RIPOR1: variants seen among roughly 807,000 people sequenced by gnomAD.
RIPOR1 encodes the protein RHO family interacting cell polarization regulator 1, also known as rho family-interacting cell polarization regulator 1.
In RIPOR1, 58 loss-of-function variants were observed where a neutral mutation model predicts 116.5. The ratio of observed to expected loss-of-function variants is 0.50; its 90% confidence interval spans 0.40 to 0.62. The LOEUF (loss-of-function observed/expected upper bound fraction) is 0.62. RIPOR1 is among the 20% of genes least tolerant of loss of function. The probability of loss-of-function intolerance (pLI) is 0.00; values close to 1 mark genes in which losing one functional copy is unlikely to be tolerated. For synonymous variants in RIPOR1, 605 were observed against 650.0 expected, an observed-to-expected ratio of 0.93 and a Z score of 1.05; for missense variants, 1,372 against 1,586.2, an observed-to-expected ratio of 0.86 and a Z score of 2.29.
intron 1 of RIPOR1, among the ~76,000 whole-genome samples, chr16:67,521,332 G>A (rs933434447): frequency 6.6e-6 from 1 of 152,172 alleles, no homozygotes; most frequent in African/African-American, 2.4e-5. Context: ...GTCGTCATCC[G>A]ATGGGACGGG....
chr16:67,539,585 C>A, intron 4 of RIPOR1, 143 bp from the exon 5 acceptor site: 1 of 994,822 alleles, frequency 1.0e-6, no homozygotes, highest in South Asian at 1.4e-5. Flanking sequence ...GCTAGACCAG[C>A]AGGAAGGGGC....
In RIPOR1 at chr16:67,541,787, G is replaced by GTCAGCC. The variant is rs1455613758; in HGVS notation, c.1080+8_1080+9insGCCTCA. The GTCAGCC allele has an allele frequency of 2.5e-6, 4 of 1,614,072 alleles. No individual in the cohort carries two copies. The highest frequency in any genetic ancestry group is 3.4e-6 in the Non-Finnish European group (4 of 1,179,984). The stretch of plus-strand genomic sequence containing the variant: ...CTTCGGGAACAGGCTTTCTATGTGA[G>GTCAGCC]TCATAGCCCAGGTCCAGGCCTCACC... On this transcript the variant is annotated splice_donor_region_variant and intron_variant, in intron 12 of 21. Coordinates refer to ENST00000042381, the MANE Select transcript of RIPOR1 (RefSeq NM_024519.4). This position sits in a 1 kb window ranked among gnomAD's most constrained non-coding sequence, Gnocchi z 4.6.
At chr16:67,539,656 C>A in intron 4 of RIPOR1, 72 bp from the exon 5 acceptor site, 1 of 1,565,280 alleles carries the variant, frequency 6.4e-7, no homozygotes, top group Non-Finnish European at 8.8e-7. Flanking sequence ...GGAGCTGTGA[C>A]GAGTCTGAGT....
Position 67,544,813 on chromosome 16 carries a change from C to T in RIPOR1, c.2852C>T (p.Ala951Val). 6.3e-7 allele frequency: 1 copy of T among 1,594,390 alleles called. No individual in the cohort carries two copies. ...TTCAGCAGGCGGTGGGAGATCCCGG[C>T]CAGCTCTGCCCAGGAAGGTAAAGGC... ...CEFSRRWEIP[A>V]SSAQEVVQFS... The change falls in exon 16 of 22, where the codon GCC becomes GTC. Residue 951 changes from alanine (A) to valine (V), a missense_variant. By Grantham distance (64) the Ala-to-Val change is moderately conservative. Around this residue, in one of 3 missense-constraint regions of RIPOR1, gnomAD observed 1,005 missense variants for 1,144.7 expected, o/e 0.88. Transcript: ENST00000042381. The surrounding 1 kb of genome is among the most constrained non-coding windows in gnomAD (Gnocchi z 5.1).
chr16:67,545,321 C>G lies in RIPOR1; in HGVS notation c.3032-55C>G. 2.5e-6 allele frequency: 4 copies of G among 1,585,896 alleles called. No homozygotes were observed. The highest frequency in any genetic ancestry group is 3.4e-6 in the Non-Finnish European group (4 of 1,164,028). On this transcript the variant is annotated intron_variant, in intron 17 of 21. Transcript: ENST00000042381. This position sits in a 1 kb window ranked among gnomAD's most constrained non-coding sequence, Gnocchi z 4.8. ...GAGCCTGGGATAGGAGCATCTCTCC[C>G]CTCTAAAAGCTGTGTTCACCCAAAC...
rs1439584825 is a variant in RIPOR1, at chr16:67,537,835, G to T, written c.-23-589G>T. ...CGCGCCCAGCTCTGGGAATCCCCCTGCCTGGAGGGCGCCGGGACGCCCGGG... is the reference window on the plus strand; with the variant it reads ...CGCGCCCAGCTCTGGGAATCCCCCTTCCTGGAGGGCGCCGGGACGCCCGGG... On this transcript the variant is annotated intron_variant, in intron 1 of 21. Coordinates refer to ENST00000042381, the MANE Select transcript of RIPOR1 (RefSeq NM_024519.4). This position sits in a 1 kb window ranked among gnomAD's most constrained non-coding sequence, Gnocchi z 4.6. 5.9e-5 allele frequency among the ~76,000 whole-genome samples: 9 copies of T among 152,112 alleles called. No homozygotes were observed. In the East Asian group the frequency reaches 1.8e-3, roughly 30 times the overall value.
chr16:67,520,433 A>AAGAGAAGAGAAG (rs1567557106), intron 1 of RIPOR1, among the ~76,000 whole-genome samples: 3 of 148,778 alleles, frequency 2.0e-5, no homozygotes, highest in African/African-American at 7.7e-5. Context: ...GAGAGAAGAG[A>AAGAGAAGAGAAG]AGATAAGAGA....
In RIPOR1 at chr16:67,530,071, C is replaced by T; in HGVS notation, c.-24+1157C>T. The T allele has an allele frequency of 1.7e-6, 1 of 601,916 alleles. No individual in the cohort carries two copies. 37.3% of individuals were successfully genotyped at this position (601,916 alleles called of 1,614,324 possible). On this transcript the variant is annotated intron_variant, in intron 1 of 21. Coordinates refer to ENST00000042381, the MANE Select transcript of RIPOR1 (RefSeq NM_024519.4). The surrounding 1 kb of genome is among the most constrained non-coding windows in gnomAD (Gnocchi z 4.5). The stretch of plus-strand genomic sequence containing the variant: ...TCCGGCTTGGGTCCTGTGACTGCGG[C>T]GGGAGAGAGGAGCAAGGTGAGCCGC...
chr16:67,539,098 G>C lies in RIPOR1; in HGVS notation c.336+30G>C, dbSNP rs544351924. The C allele has an allele frequency of 1.9e-5, 30 of 1,595,730 alleles. No individual in the cohort carries two copies. In the African/African-American group the frequency reaches 3.1e-4, roughly 16 times the overall value. Reference sequence around the variant, plus strand: ...GTGGCGGGAGGTACGGATGCCCTTTGCCTCTTTGGTGTGGAGGGCTGGGCA... The same window carrying C: ...GTGGCGGGAGGTACGGATGCCCTTTCCCTCTTTGGTGTGGAGGGCTGGGCA... On this transcript the variant is annotated intron_variant, in intron 4 of 21. Coordinates refer to ENST00000042381, the MANE Select transcript of RIPOR1 (RefSeq NM_024519.4).
Position 67,537,313 on chromosome 16 carries a change from T to A in RIPOR1, c.-23-1111T>A. On this transcript the variant is annotated intron_variant, in intron 1 of 21. Transcript: ENST00000042381. This position sits in a 1 kb window ranked among gnomAD's most constrained non-coding sequence, Gnocchi z 4.6. ...ATATTCATCCCCATGCTCAAATCCC[T>A]TTACGCACATTGCTGACCCCAGCTG... The A allele has an allele frequency of 9.2e-7, 1 of 1,092,376 alleles. No individual in the cohort carries two copies. The highest frequency in any genetic ancestry group is 1.2e-6 in the Non-Finnish European group (1 of 866,016). The allele number at this position is 1,092,376 out of a possible 1,614,324, so 67.7% of individuals were successfully genotyped here.
chr16:67,525,773 G>T (rs1597612992), upstream of RIPOR1, among the ~76,000 whole-genome samples: 1 of 152,158 alleles, frequency 6.6e-6, no homozygotes, highest in African/African-American at 2.4e-5. Flanking sequence ...GCAGAGGACA[G>T]GGCTCAGGAA....
rs970678190 is a variant in RIPOR1 at position 67,545,885 on chromosome 16, G to C, written c.3387+25G>C. ...GGTGAGTTGGACAGGGCTCCCTTGA[G>C]GGCGAGGGCTGGGGTCCTGGACTCC... On this transcript the variant is annotated intron_variant, in intron 19 of 21. Transcript: ENST00000042381. This position sits in a 1 kb window ranked among gnomAD's most constrained non-coding sequence, Gnocchi z 4.8. 6.2e-7 allele frequency: 1 copy of C among 1,611,108 alleles called. No homozygotes were observed. The highest frequency in any genetic ancestry group is 8.5e-7 in the Non-Finnish European group (1 of 1,178,254).
Position 67,542,735 on chromosome 16 carries a change from T to A in RIPOR1, c.1949T>A (p.Leu650Gln), listed in dbSNP as rs759717553. ...AGTCCTACCCCCAGTGGTATGGGCC[T>A]AGTCCAGACTGCCACAAGTCCCACC... ...TTSPTPSGMG[L>Q]VQTATSPTHP... Residue 650 changes from leucine (L) to glutamine (Q), a missense_variant, in exon 13 of 22, where the codon CTA becomes CAA. This residue lies in a region of RIPOR1 where 1,005 missense variants were observed against 1,144.7 expected (regional missense o/e 0.88). Transcript: ENST00000042381. This position sits in a 1 kb window ranked among gnomAD's most constrained non-coding sequence, Gnocchi z 4.6. 2.5e-6 allele frequency: 4 copies of A among 1,608,710 alleles called. No individual in the cohort carries two copies. The highest frequency in any genetic ancestry group is 3.4e-6 in the Non-Finnish European group (4 of 1,178,678).
chr16:67,544,375 C>G lies in RIPOR1; in HGVS notation c.2677C>G (p.Pro893Ala). Residue 893 changes from proline to alanine, a missense_variant, in exon 15 of 22, where the codon CCA becomes GCA. Transcript: ENST00000042381. This position sits in a 1 kb window ranked among gnomAD's most constrained non-coding sequence, Gnocchi z 5.1. ...TGCCCGCCCCCTCAGCACGGGGTGTCCAGCTCTGGATGCTGCCTTGGTCCG... is the reference window on the plus strand; with the variant it reads ...TGCCCGCCCCCTCAGCACGGGGTGTGCAGCTCTGGATGCTGCCTTGGTCCG... ...PSARPLSTGC[P>A]ALDAALVRHL... 6.2e-7 allele frequency: 1 copy of G among 1,613,254 alleles called. No individual in the cohort carries two copies. The highest frequency in any genetic ancestry group is 8.5e-7 in the Non-Finnish European group (1 of 1,179,838).
At chr16:67,532,189 G>A (rs529870654) in intron 1 of RIPOR1, among the ~76,000 whole-genome samples, 5 of 152,100 alleles carry the variant, frequency 3.3e-5, no homozygotes, top group Middle Eastern at 3.4e-3. Context: ...GTGAGCCACC[G>A]CACCCGGCCG....
Position 67,537,571 on chromosome 16 carries a change from G to C in RIPOR1, c.-23-853G>C, listed in dbSNP as rs2050829647. 7.1e-7 allele frequency: 1 copy of C among 1,413,082 alleles called. No individual in the cohort carries two copies. Among genetic ancestry groups the C allele is most frequent in the East Asian group, 3.0e-5 (1 of 33,260 alleles). 87.5% of individuals were successfully genotyped at this position (1,413,082 alleles called of 1,614,324 possible). A position where few individuals can be genotyped will look rare whatever the true frequency, so the allele number is the denominator to read the frequency against. ...CGAGCGCGGGTCGGGGGCCGTCCCG[G>C]ACCCACCATGAACACCAAGAAGAGA... On this transcript the variant is annotated intron_variant, in intron 1 of 21. Coordinates refer to ENST00000042381, the MANE Select transcript of RIPOR1 (RefSeq NM_024519.4). The surrounding 1 kb of genome is among the most constrained non-coding windows in gnomAD (Gnocchi z 4.6).
intron 3 of RIPOR1, 76 bp from the exon 4 acceptor site, chr16:67,538,914 T>A: frequency 6.2e-7 from 1 of 1,608,222 alleles, no homozygotes; most frequent in South Asian, 1.1e-5. Context: ...CCCCATGCCC[T>A]CTCCCTGCTG....
intron 1 of RIPOR1, among the ~76,000 whole-genome samples, chr16:67,518,774 G>A (rs780347180): frequency 6.6e-6 from 1 of 152,170 alleles, no homozygotes. Context: ...ACCTGCACCC[G>A]GTCTTGGGGT....
chr16:67,546,456 C>T lies in RIPOR1; in HGVS notation c.3653C>T (p.Ala1218Val). The T allele has an allele frequency of 6.2e-7, 1 of 1,613,754 alleles. No homozygotes were observed. The highest frequency in any genetic ancestry group is 8.5e-7 in the Non-Finnish European group (1 of 1,179,768). ...GGGCCTGGCAGCATGGCCAGCACAG[C>T]ATTCTAAACTATTCACCCATGGGTT... ...IFGPGSMAST[A>V]F The change falls in exon 22 of 22, where the codon GCA becomes GTA. Residue 1218 changes from alanine (A) to valine (V), a missense_variant. Physicochemically the swap from Ala to Val is moderately conservative, Grantham distance 64. Transcript: ENST00000042381.
Sources: allele counts gnomAD v4.1 joint callset (sites outside exome capture counted in the v4.1 genomes callset), GRCh38; gene constraint gnomAD v4.1.1; regional missense constraint gnomAD v4.1.1; non-coding constraint Gnocchi (gnomAD v3.1); transcripts MANE v1.5; gene names NCBI Gene and HGNC (gene_info 2026-07-23, HGNC 2026-07-21).